IP6K2: variants seen among roughly 807,000 people sequenced by gnomAD.
The protein encoded by IP6K2 is inositol hexakisphosphate kinase 2.
IP6K2 carries 9 observed loss-of-function variants against 43.3 expected under a neutral mutation model. That is an observed-to-expected ratio of 0.21 (90% CI 0.13 to 0.36). The LOEUF is 0.36. Among genes scored for constraint, IP6K2 ranks in the 10% least tolerant of loss-of-function variants. The pLI is 1.00. For synonymous variants in IP6K2, 209 were observed against 202.4 expected, an observed-to-expected ratio of 1.03 and a Z score of -0.28; for missense variants, 332 against 538.4, an observed-to-expected ratio of 0.62 and a Z score of 3.79.
At chr3:48,714,712 AG>A (rs2080980245) in intron 1 of IP6K2, among the ~76,000 whole-genome samples, 2 of 152,078 alleles carry the variant, frequency 1.3e-5, no homozygotes, top group Non-Finnish European at 2.9e-5. Context: ...TTTCTTTAAA[AG>A]GTAGGGCAGG....
Position 48,688,501 on chromosome 3 carries a change from A to G in IP6K2, c.1053T>C (p.Asp351=). The G allele has an allele frequency of 6.2e-7, 1 of 1,614,124 alleles. No homozygotes were observed. Among genetic ancestry groups the G allele is most frequent in the Non-Finnish European group, 8.5e-7 (1 of 1,180,014 alleles). ...PEVVLDSDAE[D]LEDLSEESAD... is the part of the protein sequence containing the mutation. ...CTGATTCCTCTGACAGGTCCTCCAA[A>G]TCCTCAGCATCTGAGTCCAGGACCA... The change falls in exon 6 of 6, where the codon GAT becomes GAC. Residue 351 remains aspartate, a synonymous_variant. Transcript: ENST00000328631. This position sits in a 1 kb window ranked among gnomAD's most constrained non-coding sequence, Gnocchi z 5.1.
At chr3:48,689,769 C>T in intron 4 of IP6K2, 56 bp from the exon 5 acceptor site, 2 of 1,499,348 alleles carry the variant, frequency 1.3e-6, no homozygotes. Flanking sequence ...GGGTCCTTGG[C>T]ACTCTCAAGG....
chr3:48,716,864 T>A (rs1275355748), intron 1 of IP6K2, among the ~76,000 whole-genome samples: 2 of 151,886 alleles, frequency 1.3e-5, no homozygotes, highest in African/African-American at 4.8e-5. Flanking sequence ...CCAGGAAAGA[T>A]CCTGCCCTCC....
intron 2 of IP6K2, chr3:48,693,425 G>A: frequency 7.3e-7 from 1 of 1,375,778 alleles, no homozygotes; most frequent in Non-Finnish European, 9.8e-7. Flanking sequence ...AACGAGGCAA[G>A]AGCCAAAGAA....
At position 48,699,716 on chromosome 3, in the gene IP6K2, G is replaced by A. The variant is rs1010546660; in HGVS notation, c.-130-4295C>T. On this transcript the variant is annotated intron_variant, in intron 1 of 5. Transcript: ENST00000328631. ...TGTAGTGAGGTGGAGCCACATTTTA[G>A]TACCAGTTCTGCTACTCAATAGCGT... 3 of 152,168 alleles carry A rather than the reference G, an allele frequency of 2.0e-5. No individual in the cohort carries two copies. In the East Asian group the frequency reaches 5.8e-4, roughly 29 times the overall value. The allele number at this position is 152,168 out of a possible 1,614,324, so 9.4% of individuals were successfully genotyped here.
Position 48,688,374 on chromosome 3 carries a change from C to T in IP6K2, c.1180G>A (p.Glu394Lys), listed in dbSNP as rs1446074734. The T allele has an allele frequency of 3.7e-6, 6 of 1,614,236 alleles. No individual in the cohort carries two copies. The highest frequency in any genetic ancestry group is 1.7e-5 in the Admixed American group (1 of 60,030). The change falls in exon 6 of 6, where the codon GAG becomes AAG. Residue 394 changes from glutamate to lysine, a missense_variant. By Grantham distance (56) the Glu-to-Lys change is moderately conservative (BLOSUM62 1). Transcript: ENST00000328631. This position sits in a 1 kb window ranked among gnomAD's most constrained non-coding sequence, Gnocchi z 5.1. ...FAHTTCRLYG[E>K]DTVVHEGQDA... ...TGGCCCTCATGCACCACGGTGTCCT[C>T]GCCATACAGCCTGCAGGTGGTGTGT... is the stretch of plus-strand genomic sequence containing the variant.
chr3:48,694,920 G>C (rs1292207705), intron 2 of IP6K2, 170 bp downstream of exon 2: 3 of 1,548,896 alleles, frequency 1.9e-6, no homozygotes, highest in African/African-American at 1.4e-5. Context: ...TGAAAACTGA[G>C]GGTGTGAGAT....
chr3:48,710,810 C>T (rs1483379224), intron 1 of IP6K2, among the ~76,000 whole-genome samples: 2 of 152,136 alleles, frequency 1.3e-5, no homozygotes, highest in African/African-American at 2.4e-5. Context: ...AGGGTTTCAC[C>T]GTGTTAGCCA....
Position 48,688,761 on chromosome 3 carries a change from C to T in IP6K2, c.793G>A (p.Gly265Ser). 1 of 1,609,926 alleles carries T rather than the reference C, an allele frequency of 6.2e-7. No individual in the cohort carries two copies. The highest frequency in any genetic ancestry group is 8.5e-7 in the Non-Finnish European group (1 of 1,177,544). Reference protein sequence around the residue: ...RVCGMQVYQAGSGQLMFMNKY... With the variant: ...RVCGMQVYQASSGQLMFMNKY... Reference sequence around the variant, plus strand: ...TTCATGAACATGAGCTGCCCACTGCCTGCTTGGTACACCTGTAGGAGAGAG... The same window carrying T: ...TTCATGAACATGAGCTGCCCACTGCTTGCTTGGTACACCTGTAGGAGAGAG... Residue 265 changes from glycine (G) to serine (S), a missense_variant, in exon 6 of 6, where the codon GGC becomes AGC. Transcript: ENST00000328631. The surrounding 1 kb of genome is among the most constrained non-coding windows in gnomAD (Gnocchi z 5.1).
At chr3:48,697,179 C>T (rs1163009001) in intron 1 of IP6K2, among the ~76,000 whole-genome samples, 1 of 151,454 alleles carries the variant, frequency 6.6e-6, no homozygotes, top group Non-Finnish European at 1.5e-5. Flanking sequence ...CGCCACCACA[C>T]CCGGCTAATT....
At chr3:48,705,256 T>G (rs374404438) in intron 1 of IP6K2, among the ~76,000 whole-genome samples, 42 of 151,574 alleles carry the variant, frequency 2.8e-4, no homozygotes, top group African/African-American at 9.4e-4. Context: ...CTGGGTTCAG[T>G]GTGTTGGTCA....
At chr3:48,712,791 C>T (rs1019957565) in intron 1 of IP6K2, among the ~76,000 whole-genome samples, 1 of 151,750 alleles carries the variant, frequency 6.6e-6, no homozygotes, top group Non-Finnish European at 1.5e-5. Flanking sequence ...CCAGAGTGGG[C>T]GGATCACTTG....
Position 48,693,136 on chromosome 3 carries a change from C to T in IP6K2, c.246G>A (p.Leu82=), listed in dbSNP as rs758817795. 1 of 1,614,268 alleles carries T rather than the reference C, an allele frequency of 6.2e-7. No individual in the cohort carries two copies. The highest frequency in any genetic ancestry group is 8.5e-7 in the Non-Finnish European group (1 of 1,180,050). The change falls in exon 3 of 6, where the codon TTG becomes TTA. Residue 82 remains leucine (L), a synonymous_variant. Transcript: ENST00000328631. ...CTTTCAATGGATATGCTATTAGACA[C>T]AAGTTCCTGTCTTCATCTTCTTCAA... is the stretch of plus-strand genomic sequence containing the variant. The part of the protein sequence containing the change: ...VRFEEDEDRN[L]CLIAYPLKGD...
In IP6K2 at chr3:48,695,517, A is replaced by G. The variant is rs2078234152; in HGVS notation, c.-130-96T>C. On this transcript the variant is annotated intron_variant, in intron 1 of 5. Coordinates refer to ENST00000328631, the MANE Select transcript of IP6K2 (RefSeq NM_016291.4). The surrounding 1 kb of genome is among the most constrained non-coding windows in gnomAD (Gnocchi z 4.6). ...GCTCCTTCAGCAGAAAGACAAAGACAAACAGTCTGAGTTCTTGCGGGACTC... is the reference window on the plus strand; with the variant it reads ...GCTCCTTCAGCAGAAAGACAAAGACGAACAGTCTGAGTTCTTGCGGGACTC... 7.7e-7 allele frequency: 1 copy of G among 1,295,326 alleles called. No individual in the cohort carries two copies. 80.2% of individuals were successfully genotyped at this position (1,295,326 alleles called of 1,614,324 possible).
At position 48,688,104 on chromosome 3, in the gene IP6K2, A is replaced by C; in HGVS notation, c.*169T>G. On this transcript the variant is annotated 3_prime_UTR_variant, in exon 6 of 6. Coordinates refer to ENST00000328631, the MANE Select transcript of IP6K2 (RefSeq NM_016291.4). This position sits in a 1 kb window ranked among gnomAD's most constrained non-coding sequence, Gnocchi z 5.1. Reference sequence around the variant, plus strand: ...TTGAAGAAATAGTTAAAATAAATAAAGACTCCAAGCACAGCTGGGACTGGC... The same window carrying C: ...TTGAAGAAATAGTTAAAATAAATAACGACTCCAAGCACAGCTGGGACTGGC... The C allele has an allele frequency of 1.5e-6, 1 of 673,232 alleles. No individual in the cohort carries two copies. Among genetic ancestry groups the C allele is most frequent in the Non-Finnish European group, 2.6e-6 (1 of 381,918 alleles). 41.7% of individuals were successfully genotyped at this position (673,232 alleles called of 1,614,324 possible). A position where few individuals can be genotyped will look rare whatever the true frequency, so the allele number is the denominator to read the frequency against.
At chr3:48,697,176 A>G (rs1029336533) in intron 1 of IP6K2, among the ~76,000 whole-genome samples, 16 of 149,766 alleles carry the variant, frequency 1.1e-4, no homozygotes, top group Non-Finnish European at 1.8e-4. Context: ...GCCCGCCACC[A>G]CACCCGGCTA....
chr3:48,693,447 AT>A, intron 2 of IP6K2: 2 of 1,392,444 alleles, frequency 1.4e-6, no homozygotes, highest in Non-Finnish European at 1.9e-6. Context: ...TACAAGACAC[AT>A]TTTTCCATCA....
intron 1 of IP6K2, among the ~76,000 whole-genome samples, chr3:48,712,804 G>A (rs940715808): frequency 6.6e-6 from 1 of 151,952 alleles, no homozygotes; most frequent in Non-Finnish European, 1.5e-5. Flanking sequence ...ATCACTTGAG[G>A]TCAGGAGTTC....
chr3:48,691,711 T>C (rs931518739), intron 3 of IP6K2, among the ~76,000 whole-genome samples: 1 of 151,856 alleles, frequency 6.6e-6, no homozygotes. Flanking sequence ...GGCAGGAGAA[T>C]CACTTGAACC....
Sources: gnomAD v4.1 joint callset for allele counts (sites outside exome capture counted in the v4.1 genomes callset) on GRCh38, gnomAD v4.1.1 for gene constraint, Gnocchi (gnomAD v3.1) non-coding constraint, MANE v1.5 for transcripts, NCBI Gene and HGNC (gene_info 2026-07-23, HGNC 2026-07-21) for gene names.